LRMDA: variants seen among roughly 807,000 people sequenced by gnomAD.
LRMDA encodes leucine rich melanocyte differentiation associated, also known as leucine-rich melanocyte differentiation-associated protein.
A neutral mutation model predicts 29.8 loss-of-function variants in LRMDA; 18 were observed. That is an observed-to-expected ratio of 0.60 (90% CI 0.42 to 0.90). The LOEUF is 0.90. Ranked by LOEUF, LRMDA falls within the 40% of genes least tolerant of loss-of-function variation. LRMDA has a pLI of 0.00. For missense variants in LRMDA, 273 were observed against 273.9 expected (o/e 1.00, Z 0.02); for synonymous variants, 125 against 109.4 (o/e 1.14, Z -0.89).
chr10:76,420,828 T>C (rs915281212), intron 6 of LRMDA, among the ~76,000 whole-genome samples: 2 of 152,130 alleles, frequency 1.3e-5, no homozygotes, highest in African/African-American at 4.8e-5. Flanking sequence ...AAGTGTTTCT[T>C]AGTTATCTTT....
intron 5 of LRMDA, among the ~76,000 whole-genome samples, chr10:76,092,661 T>G (rs1000260264): frequency 6.6e-5 from 10 of 152,238 alleles, no homozygotes; most frequent in African/African-American, 2.4e-4. Context: ...GCTACAATTC[T>G]TTGGATAATA....
intron 5 of LRMDA, among the ~76,000 whole-genome samples, chr10:76,146,699 T>C (rs1191060371): frequency 6.6e-6 from 1 of 152,188 alleles, no homozygotes; most frequent in Non-Finnish European, 1.5e-5. Flanking sequence ...AAAGTTAATA[T>C]TGTTATGTGT....
At chr10:76,159,559 T>C (rs894605960) in intron 5 of LRMDA, among the ~76,000 whole-genome samples, 1 of 152,214 alleles carries the variant, frequency 6.6e-6, no homozygotes, top group Non-Finnish European at 1.5e-5. Context: ...TGAAGACTTA[T>C]GTCCACATAG....
At chr10:76,297,287 G>A (rs1589416257) in intron 5 of LRMDA, among the ~76,000 whole-genome samples, 1 of 152,300 alleles carries the variant, frequency 6.6e-6, no homozygotes, top group South Asian at 2.1e-4. Context: ...TTCAGATATG[G>A]CTTGGGCAGC....
intron 2 of LRMDA, among the ~76,000 whole-genome samples, chr10:75,651,549 T>A (rs1841599779): frequency 6.6e-6 from 1 of 152,206 alleles, no homozygotes; most frequent in South Asian, 2.1e-4. Context: ...CCTCTTAGGA[T>A]CTGTGTATAA....
chr10:75,864,302 G>A (rs1157385014), intron 2 of LRMDA, among the ~76,000 whole-genome samples: 2 of 152,150 alleles, frequency 1.3e-5, no homozygotes, highest in African/African-American at 2.4e-5. Flanking sequence ...GAAGGAAGCC[G>A]GATGTGCTCT....
intron 2 of LRMDA, among the ~76,000 whole-genome samples, chr10:75,666,365 A>G (rs1203056114): frequency 1.3e-5 from 2 of 151,738 alleles, no homozygotes; most frequent in African/African-American, 4.9e-5. Flanking sequence ...AACAAAAGCT[A>G]ATTCAAATGA....
chr10:75,438,349 G>A, intron 1 of LRMDA, 45 bp from the exon 2 acceptor site: 5 of 1,434,978 alleles, frequency 3.5e-6, no homozygotes, highest in Non-Finnish European at 4.8e-6. Context: ...GAGCAGCTGG[G>A]TGATTTCCAT....
At chr10:76,229,847 T>C (rs570410045) in intron 5 of LRMDA, among the ~76,000 whole-genome samples, 6 of 152,172 alleles carry the variant, frequency 3.9e-5, no homozygotes, top group African/African-American at 1.4e-4. Context: ...GTACGCATGC[T>C]CCTTTGAGCC....
chr10:76,471,776 G>A (rs893743293), intron 6 of LRMDA, among the ~76,000 whole-genome samples: 7 of 151,502 alleles, frequency 4.6e-5, no homozygotes, highest in African/African-American at 9.7e-5. Flanking sequence ...GTGGCTATAC[G>A]AATAGCAGAA....
chr10:75,470,451 T>C (rs1844711987), intron 2 of LRMDA, among the ~76,000 whole-genome samples: 1 of 152,106 alleles, frequency 6.6e-6, no homozygotes, highest in African/African-American at 2.4e-5. Context: ...GAGCTGAGAT[T>C]GCACCACTGC....
intron 6 of LRMDA, among the ~76,000 whole-genome samples, chr10:76,506,752 A>C (rs1165714303): frequency 1.3e-5 from 2 of 151,386 alleles, no homozygotes; most frequent in East Asian, 3.9e-4. Context: ...TGGCTTATTT[A>C]ACATAATATC....
intron 6 of LRMDA, among the ~76,000 whole-genome samples, chr10:76,324,945 G>T (rs988961739): frequency 6.6e-6 from 1 of 152,172 alleles, no homozygotes; most frequent in Non-Finnish European, 1.5e-5. Flanking sequence ...GCCATGTGCA[G>T]TTTTTGCTGA....
intron 2 of LRMDA, among the ~76,000 whole-genome samples, chr10:75,708,247 A>G (rs993455606): frequency 2.0e-5 from 3 of 152,136 alleles, no homozygotes; most frequent in Non-Finnish European, 2.9e-5. Flanking sequence ...GATGAATACC[A>G]CACTGTCAGC....
intron 2 of LRMDA, among the ~76,000 whole-genome samples, chr10:75,772,746 A>G (rs1843257233): frequency 6.6e-6 from 1 of 151,824 alleles, no homozygotes; most frequent in South Asian, 2.1e-4. Flanking sequence ...ACTGGCTTTC[A>G]ATATCCTGTC....
At chr10:76,139,063 A>T (rs1850150678) in intron 5 of LRMDA, among the ~76,000 whole-genome samples, 1 of 152,192 alleles carries the variant, frequency 6.6e-6, no homozygotes. Context: ...AACATGCTGT[A>T]TTCCTTTGCT....
At chr10:75,640,075 C>A (rs988259626) in intron 2 of LRMDA, among the ~76,000 whole-genome samples, 1 of 152,090 alleles carries the variant, frequency 6.6e-6, no homozygotes, top group African/African-American at 2.4e-5. Context: ...ATAGGCAGAA[C>A]AGGAAATAAA....
At chr10:76,079,140 T>G (rs1466791771) in intron 5 of LRMDA, among the ~76,000 whole-genome samples, 2 of 152,166 alleles carry the variant, frequency 1.3e-5, no homozygotes, top group South Asian at 2.1e-4. Flanking sequence ...GCCTACAAAT[T>G]TTTTCTCCTT....
intron 2 of LRMDA, among the ~76,000 whole-genome samples, chr10:75,967,375 C>CT (rs1325218990): frequency 1.3e-5 from 2 of 152,010 alleles, no homozygotes; most frequent in Non-Finnish European, 2.9e-5. Context: ...AACAATCTGA[C>CT]TTTTTTTTGC....
Sources: allele counts gnomAD v4.1 joint callset (sites outside exome capture counted in the v4.1 genomes callset), GRCh38; gene constraint gnomAD v4.1.1; transcripts MANE v1.5; gene names NCBI Gene and HGNC (gene_info 2026-07-23, HGNC 2026-07-21).